The following CORIN variants were observed in gnomAD, a reference collection of about 807,000 sequenced individuals.
The protein encoded by CORIN is atrial natriuretic peptide-converting enzyme.
CORIN carries 117 observed loss-of-function variants against 125.3 expected under a neutral mutation model. The observed-to-expected ratio is 0.93, with a 90% CI of 0.80 to 1.09. The LOEUF is 1.09. Among genes scored for constraint, CORIN ranks in the 50% least tolerant of loss-of-function variants. CORIN has a pLI of 0.00. For synonymous variants in CORIN, 450 were observed against 466.4 expected (o/e 0.96, Z 0.45); for missense variants, 1,253 against 1,306.7 (o/e 0.96, Z 0.63).
At chr4:47,831,354 G>C (rs1251714939) in intron 1 of CORIN, 3 of 152,352 alleles carry the variant, frequency 2.0e-5, no homozygotes, top group Admixed American at 1.3e-4. Context: ...CAGACCAAAC[G>C]CCAATGCAGA....
intron 1 of CORIN, among the ~76,000 whole-genome samples, chr4:47,828,595 AGAT>A (rs1239468904): frequency 6.6e-6 from 1 of 152,176 alleles, no homozygotes; most frequent in Non-Finnish European, 1.5e-5. Context: ...AGATAATCCA[AGAT>A]AATCTCCCCA....
At chr4:47,662,892 C>G (rs1724314715) in intron 11 of CORIN, among the ~76,000 whole-genome samples, 1 of 152,152 alleles carries the variant, frequency 6.6e-6, no homozygotes, top group African/African-American at 2.4e-5. Flanking sequence ...TAACTCAACA[C>G]TGGCTTAGCC....
chr4:47,752,181 C>A (rs150040861), intron 4 of CORIN, among the ~76,000 whole-genome samples: 9 of 152,132 alleles, frequency 5.9e-5, no homozygotes, highest in African/African-American at 2.2e-4. Flanking sequence ...ATACTCCCAC[C>A]CTCCCAAAGC....
chr4:47,626,303 A>G (rs532406146), intron 17 of CORIN, 102 bp downstream of exon 17: 9 of 741,314 alleles, frequency 1.2e-5, no homozygotes, highest in Admixed American at 5.7e-5. Flanking sequence ...TACTGATATG[A>G]CAAATTTGGA....
chr4:47,685,005 G>A (rs568457541), intron 6 of CORIN, among the ~76,000 whole-genome samples: 2 of 152,124 alleles, frequency 1.3e-5, no homozygotes, highest in Admixed American at 6.6e-5. Flanking sequence ...GGCTACAATG[G>A]AAAAGATGGA....
intron 5 of CORIN, among the ~76,000 whole-genome samples, chr4:47,734,257 G>A (rs1247951374): frequency 6.6e-6 from 1 of 152,160 alleles, no homozygotes; most frequent in Admixed American, 6.5e-5. Flanking sequence ...TAATGTAAAG[G>A]GAGGGAATTA....
At chr4:47,624,129 GGA>G (rs1449139334) in intron 17 of CORIN, among the ~76,000 whole-genome samples, 181 bp from the exon 18 acceptor site, 3 of 152,212 alleles carry the variant, frequency 2.0e-5, no homozygotes, top group Non-Finnish European at 4.4e-5. Flanking sequence ...TCTCAAGGCA[GGA>G]GTGTGGTCAG....
Position 47,595,592 on chromosome 4 carries a change from G to T in CORIN, c.*129C>A. 1.8e-6 allele frequency: 1 copy of T among 551,248 alleles called. No homozygotes were observed. Among genetic ancestry groups the T allele is most frequent in the Non-Finnish European group, 3.0e-6 (1 of 328,366 alleles). 34.1% of individuals were successfully genotyped at this position (551,248 alleles called of 1,614,324 possible). ...TAGTCCAAAACAAACATGCAAATTT[G>T]CAGTGCACGATTGAGCATTTCTGTC... On this transcript the variant is annotated 3_prime_UTR_variant, in exon 22 of 22. Transcript: ENST00000273857.
At chr4:47,821,430 C>T (rs1027595551) in intron 1 of CORIN, among the ~76,000 whole-genome samples, 4 of 150,934 alleles carry the variant, frequency 2.7e-5, no homozygotes, top group Non-Finnish European at 5.9e-5. Context: ...AATTTACCTT[C>T]CCCGCTTCTT....
At chr4:47,732,997 T>C (rs1467158786) in intron 5 of CORIN, among the ~76,000 whole-genome samples, 1 of 152,176 alleles carries the variant, frequency 6.6e-6, no homozygotes, top group Non-Finnish European at 1.5e-5. Context: ...CCCATGTCCA[T>C]CTCTCCACTG....
intron 10 of CORIN, among the ~76,000 whole-genome samples, chr4:47,669,657 C>T: frequency 6.6e-6 from 1 of 151,802 alleles, no homozygotes; most frequent in East Asian, 1.9e-4. Flanking sequence ...CAAGCTCTGC[C>T]TCCTGGGTTC....
intron 3 of CORIN, among the ~76,000 whole-genome samples, chr4:47,785,436 G>C (rs1041172865): frequency 3.6e-4 from 55 of 151,806 alleles, no homozygotes; most frequent in African/African-American, 1.3e-3. Context: ...CTCTCTCCCA[G>C]CTCTTCTGGA....
chr4:47,715,601 A>G (rs1339954169), intron 5 of CORIN, among the ~76,000 whole-genome samples: 2 of 151,800 alleles, frequency 1.3e-5, no homozygotes, highest in Non-Finnish European at 2.9e-5. Context: ...TCTGTCTCCA[A>G]AAAAAAAGGG....
At position 47,623,943 on chromosome 4, in the gene CORIN, G is replaced by C; in HGVS notation, c.2321C>G (p.Ser774Cys). The C allele has an allele frequency of 1.2e-6, 2 of 1,613,070 alleles. No homozygotes were observed. Among genetic ancestry groups the C allele is most frequent in the Non-Finnish European group, 8.5e-7 (1 of 1,179,128 alleles). Residue 774 changes from serine (S) to cysteine (C), a missense_variant, in exon 18 of 22, where the codon TCT becomes TGT. By Grantham distance (112) the Ser-to-Cys change is moderately radical. Coordinates refer to ENST00000273857, the MANE Select transcript of CORIN (RefSeq NM_006587.4). ...AGAAATTTTACTTCTGCTCTCACAA[G>C]ACTGCCTGGATTTGGAAACATAAAA... Reference protein sequence around the residue: ...TLHELLVNGQSCESRSKISLL... With the variant: ...TLHELLVNGQCCESRSKISLL...
intron 19 of CORIN, among the ~76,000 whole-genome samples, chr4:47,620,508 G>A (rs892229231): frequency 5.3e-5 from 8 of 152,138 alleles, no homozygotes; most frequent in Non-Finnish European, 1.0e-4. Context: ...AAACAATGAC[G>A]GCTTGTGAAA....
intron 12 of CORIN, among the ~76,000 whole-genome samples, chr4:47,655,734 G>A (rs1723943354): frequency 6.6e-6 from 1 of 151,288 alleles, no homozygotes; most frequent in Non-Finnish European, 1.5e-5. Context: ...TATGAGAGAT[G>A]AATATATTCT....
chr4:47,676,311 C>T (rs182177379), intron 9 of CORIN, among the ~76,000 whole-genome samples: 7 of 152,256 alleles, frequency 4.6e-5, no homozygotes, highest in African/African-American at 1.4e-4. Flanking sequence ...ACCTTCCCAC[C>T]ACAGGAATTT....
chr4:47,694,256 T>C (rs1352980459), intron 5 of CORIN, among the ~76,000 whole-genome samples: 5 of 152,242 alleles, frequency 3.3e-5, no homozygotes, highest in Admixed American at 1.3e-4. Context: ...GAGAGGTATA[T>C]TATCTTTGGT....
At chr4:47,757,885 T>TATATAC in intron 4 of CORIN, among the ~76,000 whole-genome samples, 1 of 142,294 alleles carries the variant, frequency 7.0e-6, no homozygotes, top group Admixed American at 7.0e-5. Flanking sequence ...TATGTATATA[T>TATATAC]ATATATATAT....
Sources: gnomAD v4.1 joint callset for allele counts (sites outside exome capture counted in the v4.1 genomes callset) on GRCh38, gnomAD v4.1.1 for gene constraint, MANE v1.5 for transcripts, NCBI Gene and HGNC (gene_info 2026-07-23, HGNC 2026-07-21) for gene names.